The following ANKRD44 variants were observed in gnomAD, a reference collection of about 807,000 sequenced individuals.
ANKRD44 encodes ankyrin repeat domain 44, also known as serine/threonine-protein phosphatase 6 regulatory ankyrin repeat subunit B.
Under a neutral mutation model 116.0 loss-of-function variants are expected in ANKRD44, and 35 were observed. The observed-to-expected ratio is 0.30, with a 90% confidence interval of 0.23 to 0.40. ANKRD44 has a LOEUF of 0.40. Among genes scored for constraint, ANKRD44 ranks in the 10% least tolerant of loss-of-function variants. The pLI is 1.00. For missense variants in ANKRD44, 1,014 were observed against 1,242.6 expected (o/e 0.82, Z 2.77); for synonymous variants, 435 against 461.8 (o/e 0.94, Z 0.74).
intron 8 of ANKRD44, among the ~76,000 whole-genome samples, chr2:197,114,617 C>T (rs931966211): frequency 1.8e-4 from 28 of 152,076 alleles, no homozygotes; most frequent in African/African-American, 5.1e-4. Context: ...ATCCCATATA[C>T]GTTCCCTAAA....
intron 1 of ANKRD44, among the ~76,000 whole-genome samples, chr2:197,309,349 T>C (rs1024740428): frequency 1.3e-5 from 2 of 152,162 alleles, no homozygotes; most frequent in Non-Finnish European, 2.9e-5. Context: ...AACAATAACA[T>C]GAATTTTAAC....
chr2:197,186,492 T>A (rs891170986), intron 2 of ANKRD44, among the ~76,000 whole-genome samples: 7 of 151,908 alleles, frequency 4.6e-5, no homozygotes, highest in Non-Finnish European at 1.0e-4. Flanking sequence ...TGAGGTAGGG[T>A]CTTACTCTGT....
intron 4 of ANKRD44, among the ~76,000 whole-genome samples, chr2:197,133,439 T>A (rs779590608): frequency 2.0e-5 from 3 of 152,336 alleles, no homozygotes; most frequent in South Asian, 4.1e-4. Context: ...CTAATTCCTA[T>A]AATAAATATC....
intron 1 of ANKRD44, among the ~76,000 whole-genome samples, chr2:197,243,940 C>A (rs139932459): frequency 1.5e-3 from 225 of 152,306 alleles, no homozygotes; most frequent in African/African-American, 5.0e-3. Flanking sequence ...TATGTGTGGG[C>A]TCCAATCAGG....
intron 9 of ANKRD44, among the ~76,000 whole-genome samples, chr2:197,102,090 C>T (rs1350279328): frequency 1.3e-5 from 2 of 151,946 alleles, no homozygotes; most frequent in Non-Finnish European, 2.9e-5. Context: ...AAAAAAAAAT[C>T]CCCCTACTTA....
In ANKRD44 at chr2:197,013,595, C is replaced by G; in HGVS notation, c.1840G>C (p.Glu614Gln). 6.2e-7 allele frequency: 1 copy of G among 1,614,212 alleles called. No individual in the cohort carries two copies. The highest frequency in any genetic ancestry group is 1.3e-5 in the African/African-American group (1 of 75,044). ...LDLAAFKGHTECVEALINQGA... is the reference protein window; with the variant it reads ...LDLAAFKGHTQCVEALINQGA... ...TGATTGATAAGCGCTTCCACACATTCTGTGTGTCCTTTAAAGGCAGCCAGA... is the reference window on the plus strand; with the variant it reads ...TGATTGATAAGCGCTTCCACACATTGTGTGTGTCCTTTAAAGGCAGCCAGA... Residue 614 changes from glutamate to glutamine, a missense_variant, in exon 18 of 28, where the codon GAA (glutamate) becomes CAA (glutamine). By Grantham distance (29) the Glu-to-Gln change is conservative (BLOSUM62 2). Coordinates refer to ENST00000282272, the MANE Select transcript of ANKRD44 (RefSeq NM_001195144.2).
intron 2 of ANKRD44, among the ~76,000 whole-genome samples, chr2:197,177,408 C>T (rs1296038520): frequency 6.6e-6 from 1 of 152,158 alleles, no homozygotes; most frequent in African/African-American, 2.4e-5. Context: ...GAGAAGAGCC[C>T]TTGCAATATG....
chr2:196,972,951 T>C (rs1221449520), intron 21 of ANKRD44, among the ~76,000 whole-genome samples: 1 of 152,184 alleles, frequency 6.6e-6, no homozygotes, highest in East Asian at 1.9e-4. Flanking sequence ...CAGAAAGCAT[T>C]GTGTCATAGT....
intron 16 of ANKRD44, among the ~76,000 whole-genome samples, chr2:197,046,218 T>C (rs1032470534): frequency 1.3e-5 from 2 of 152,210 alleles, no homozygotes; most frequent in African/African-American, 4.8e-5. Context: ...ATTATTATTA[T>C]TGGTACTGTC....
chr2:197,160,351 T>C (rs916834781), intron 2 of ANKRD44, among the ~76,000 whole-genome samples: 11 of 152,284 alleles, frequency 7.2e-5, no homozygotes, highest in East Asian at 1.9e-4. Flanking sequence ...TTGATGACTA[T>C]AGAGGAAAAT....
intron 16 of ANKRD44, among the ~76,000 whole-genome samples, chr2:197,070,702 C>CTG (rs1180776829): frequency 1.4e-5 from 2 of 147,082 alleles, no homozygotes; most frequent in Admixed American, 6.8e-5. Context: ...CGCTCTCGCT[C>CTG]TCTGTGTGTG....
chr2:197,221,049 A>G (rs2081573690), intron 1 of ANKRD44, among the ~76,000 whole-genome samples: 1 of 152,170 alleles, frequency 6.6e-6, no homozygotes, highest in African/African-American at 2.4e-5. Context: ...CAGGAGTTCG[A>G]GGTCAGCCTG....
intron 10 of ANKRD44, among the ~76,000 whole-genome samples, chr2:197,092,061 T>G (rs559488051): frequency 1.3e-5 from 2 of 152,204 alleles, no homozygotes; most frequent in Non-Finnish European, 2.9e-5. Flanking sequence ...TCTTCCCTAC[T>G]ACATCTTCTT....
In ANKRD44 at chr2:197,201,712, G is replaced by A. The variant is rs1465876637; in HGVS notation, c.28-14606C>T. Among the ~76,000 whole-genome samples, 2 of 152,208 alleles carry A rather than the reference G, an allele frequency of 1.3e-5. No homozygotes were observed. The highest frequency in any genetic ancestry group is 2.9e-5 in the Non-Finnish European group (2 of 68,036). ...TATTTCAGATGCAGGGGATACATGT[G>A]CAGGTTTGTTACACAGGTATACTGT... On this transcript the variant is annotated intron_variant, in intron 1 of 27. Coordinates refer to ENST00000282272, the MANE Select transcript of ANKRD44 (RefSeq NM_001195144.2). This position sits in a 1 kb window ranked among gnomAD's most constrained non-coding sequence, Gnocchi z 4.0.
intron 16 of ANKRD44, among the ~76,000 whole-genome samples, chr2:197,035,279 T>C (rs2076787358): frequency 6.6e-6 from 1 of 152,070 alleles, no homozygotes; most frequent in Admixed American, 6.5e-5. Flanking sequence ...TATGACAGAC[T>C]ACATGAAAAC....
chr2:197,157,079 T>C (rs1167044523), intron 2 of ANKRD44, among the ~76,000 whole-genome samples: 1 of 152,178 alleles, frequency 6.6e-6, no homozygotes, highest in East Asian at 1.9e-4. Flanking sequence ...ACACTTTAAA[T>C]ATGGGTAGTT....
chr2:197,041,496 A>T (rs2076911075), intron 16 of ANKRD44, among the ~76,000 whole-genome samples: 1 of 152,164 alleles, frequency 6.6e-6, no homozygotes, highest in South Asian at 2.1e-4. Context: ...CTGTATGGCC[A>T]GCACTTGCTC....
At chr2:197,146,224 A>T (rs2079497000) in intron 3 of ANKRD44, among the ~76,000 whole-genome samples, 1 of 152,226 alleles carries the variant, frequency 6.6e-6, no homozygotes, top group African/African-American at 2.4e-5. Flanking sequence ...ATTTTTAAAC[A>T]TAAAATATTT....
intron 17 of ANKRD44, among the ~76,000 whole-genome samples, chr2:197,019,419 T>C (rs769306632): frequency 5.6e-4 from 85 of 152,356 alleles, no homozygotes; most frequent in Non-Finnish European, 7.3e-4. Context: ...TTGCTGTATG[T>C]CAGGCAGTAT....
Sources: allele counts gnomAD v4.1 joint callset (sites outside exome capture counted in the v4.1 genomes callset), GRCh38; gene constraint gnomAD v4.1.1; non-coding constraint Gnocchi (gnomAD v3.1); transcripts MANE v1.5; gene names NCBI Gene and HGNC (gene_info 2026-07-23, HGNC 2026-07-21).